TSHZ3: variants seen among roughly 807,000 people sequenced by gnomAD.
The protein encoded by TSHZ3 is teashirt homolog 3.
In TSHZ3, 10 loss-of-function variants were observed where a neutral mutation model predicts 64.5. That is an observed-to-expected ratio of 0.16 (90% CI 0.10 to 0.26). The LOEUF (loss-of-function observed/expected upper bound fraction) is 0.26. Among genes scored for constraint, TSHZ3 ranks in the 10% least tolerant of loss-of-function variants. TSHZ3 has a pLI of 1.00. For synonymous variants in TSHZ3, 608 were observed against 593.1 expected (o/e 1.03, Z -0.36); for missense variants, 1,242 against 1,421.7 (o/e 0.87, Z 2.03).
intron 4 of TSHZ3, among the ~76,000 whole-genome samples, chr19:31,225,930 C>G (rs969380695): frequency 2.6e-5 from 4 of 152,078 alleles, no homozygotes; most frequent in African/African-American, 9.7e-5. Flanking sequence ...GGTTTGAGAC[C>G]ATCCTGGCTA....
At chr19:31,336,717 C>T (rs747502087) in intron 1 of TSHZ3, among the ~76,000 whole-genome samples, 1 of 152,042 alleles carries the variant, frequency 6.6e-6, no homozygotes, top group African/African-American at 2.4e-5. Context: ...GGAACAGATG[C>T]GGGGCACCAG....
chr19:31,207,767 A>C (rs1190930776), intron 4 of TSHZ3: 1 of 152,236 alleles, frequency 6.6e-6, no homozygotes, highest in Non-Finnish European at 1.5e-5. Context: ...AGGAAACTGC[A>C]CTTGTGTTTT....
chr19:31,166,827 T>C (rs1454104550), intron 5 of TSHZ3, among the ~76,000 whole-genome samples: 2 of 152,232 alleles, frequency 1.3e-5, no homozygotes, highest in East Asian at 3.9e-4. Flanking sequence ...ACAAGCCACA[T>C]GCTTAAGAAA....
chr19:31,215,132 C>T (rs1258433860), intron 4 of TSHZ3, among the ~76,000 whole-genome samples: 1 of 152,064 alleles, frequency 6.6e-6, no homozygotes, highest in South Asian at 2.1e-4. Flanking sequence ...CATTTAGATA[C>T]CACATTCAGA....
intron 4 of TSHZ3, among the ~76,000 whole-genome samples, chr19:31,205,592 C>A (rs1171403303): frequency 2.6e-5 from 4 of 152,226 alleles, no homozygotes; most frequent in Admixed American, 6.5e-5. Flanking sequence ...CCCGCTTCAC[C>A]AGGGAGCACC....
chr19:31,348,807 C>G (rs951528906), intron 1 of TSHZ3: 1 of 221,094 alleles, frequency 4.5e-6, no homozygotes, highest in Non-Finnish European at 8.9e-6. Context: ...GTCGGCCGCT[C>G]GGAGGACGCG....
downstream of TSHZ3, among the ~76,000 whole-genome samples, chr19:31,273,181 G>C (rs143458163): frequency 9.2e-5 from 14 of 152,214 alleles, no homozygotes; most frequent in East Asian, 2.3e-3. Context: ...AACCATATCC[G>C]CCATGCTGCC....
At chr19:31,265,511 G>C (rs1431068991) in intron 1 of TSHZ3, among the ~76,000 whole-genome samples, 2 of 151,476 alleles carry the variant, frequency 1.3e-5, no homozygotes, top group Non-Finnish European at 2.9e-5. Flanking sequence ...GTAAATTGAA[G>C]TCCTTGAATC....
chr19:31,335,056 AAC>A (rs1917204756), intron 1 of TSHZ3, among the ~76,000 whole-genome samples: 1 of 152,064 alleles, frequency 6.6e-6, no homozygotes, highest in Admixed American at 6.6e-5. Context: ...AACTTCTCAA[AAC>A]TTAAAGACTT....
intron 5 of TSHZ3, among the ~76,000 whole-genome samples, chr19:31,183,660 G>A (rs1364282693): frequency 2.0e-5 from 3 of 152,102 alleles, no homozygotes; most frequent in Non-Finnish European, 4.4e-5. Flanking sequence ...TTGATCCATG[G>A]GTTGCAATAT....
intron 1 of TSHZ3, among the ~76,000 whole-genome samples, chr19:31,337,013 A>AAT (rs71335131): frequency 7.6e-6 from 1 of 131,430 alleles, no homozygotes; most frequent in Non-Finnish European, 1.6e-5. Context: ...CTTTTTTTCT[A>AAT]TTTTTTTTTT....
intron 4 of TSHZ3, among the ~76,000 whole-genome samples, chr19:31,222,838 T>C (rs1975408762): frequency 6.6e-6 from 1 of 151,940 alleles, no homozygotes; most frequent in Non-Finnish European, 1.5e-5. Context: ...TGACAGAGAG[T>C]GATTCAGTAG....
chr19:31,186,961 G>A (rs559192544), intron 5 of TSHZ3, among the ~76,000 whole-genome samples: 2 of 150,910 alleles, frequency 1.3e-5, no homozygotes, highest in South Asian at 4.1e-4. Flanking sequence ...TTCCAAATGT[G>A]TATATTACAA....
intron 3 of TSHZ3, among the ~76,000 whole-genome samples, chr19:31,236,977 C>T (rs1159196467): frequency 3.9e-5 from 6 of 152,228 alleles, no homozygotes; most frequent in Non-Finnish European, 7.4e-5. Flanking sequence ...GGTGAAACCC[C>T]GTCTCTACTA....
intron 5 of TSHZ3, among the ~76,000 whole-genome samples, chr19:31,194,664 G>A (rs1476847160): frequency 6.6e-6 from 1 of 152,116 alleles, no homozygotes; most frequent in African/African-American, 2.4e-5. Flanking sequence ...AGTACATATT[G>A]ACCAGCTATC....
intron 4 of TSHZ3, among the ~76,000 whole-genome samples, chr19:31,206,682 T>G (rs2145155770): frequency 6.6e-6 from 1 of 152,330 alleles, no homozygotes; most frequent in Non-Finnish European, 1.5e-5. Flanking sequence ...TTGATAATAG[T>G]AGACATCAGC....
At chr19:31,198,123 G>C (rs1226463962) in intron 5 of TSHZ3, among the ~76,000 whole-genome samples, 1 of 151,982 alleles carries the variant, frequency 6.6e-6, no homozygotes, top group Non-Finnish European at 1.5e-5. Flanking sequence ...ATTTATCCCT[G>C]GTATGCAAAA....
chr19:31,243,731 T>C (rs531335762), intron 1 of TSHZ3, among the ~76,000 whole-genome samples: 7 of 151,964 alleles, frequency 4.6e-5, no homozygotes, highest in African/African-American at 1.7e-4. Context: ...AGCAGCGGAG[T>C]GGTGTTCATC....
At chr19:31,268,782 C>T (rs2145204320) in intron 1 of TSHZ3, among the ~76,000 whole-genome samples, 1 of 152,270 alleles carries the variant, frequency 6.6e-6, no homozygotes, top group South Asian at 2.1e-4. Context: ...ACCTCCTGTA[C>T]AATCTTGGCT....
Sources: allele counts gnomAD v4.1 joint callset (sites outside exome capture counted in the v4.1 genomes callset), GRCh38; gene constraint gnomAD v4.1.1; transcripts MANE v1.5; gene names NCBI Gene and HGNC (gene_info 2026-07-23, HGNC 2026-07-21).